The following CSMD3 variants were observed in gnomAD, a reference collection of about 807,000 sequenced individuals.
The protein encoded by CSMD3 is CUB and Sushi multiple domains 3.
In CSMD3, 177 loss-of-function variants were observed where a neutral mutation model predicts 435.2. That is an observed-to-expected ratio of 0.41 (90% CI 0.36 to 0.46). The LOEUF (loss-of-function observed/expected upper bound fraction) is 0.46. Ranked by LOEUF, CSMD3 falls within the 20% of genes least tolerant of loss-of-function variation. CSMD3 has a pLI of 0.34. For synonymous variants in CSMD3, 1,656 were observed against 1,520.5 expected, an observed-to-expected ratio of 1.09 and a Z score of -2.07; for missense variants, 4,265 against 4,504.6, an observed-to-expected ratio of 0.95 and a Z score of 1.52.
intron 1 of CSMD3, among the ~76,000 whole-genome samples, chr8:113,425,607 C>T (rs2094631804): frequency 6.6e-6 from 1 of 151,354 alleles, no homozygotes; most frequent in Admixed American, 6.6e-5. Flanking sequence ...CAAGCTAACA[C>T]AGATATTAAA....
At chr8:113,046,417 C>T (rs77699752) in intron 5 of CSMD3, among the ~76,000 whole-genome samples, 5,226 of 149,756 alleles carry the variant, frequency 0.035, 588 homozygotes, top group Non-Finnish European at 0.059. Context: ...TGCCCTGAGT[C>T]TTTCTCCACA....
chr8:112,885,441 A>G (rs2081563567), intron 10 of CSMD3, among the ~76,000 whole-genome samples: 1 of 151,650 alleles, frequency 6.6e-6, no homozygotes, highest in African/African-American at 2.4e-5. Context: ...GCCAATCACA[A>G]AATAAAATAT....
At chr8:112,861,214 C>T (rs1480933368) in intron 10 of CSMD3, among the ~76,000 whole-genome samples, 5 of 151,768 alleles carry the variant, frequency 3.3e-5, no homozygotes, top group African/African-American at 1.2e-4. Flanking sequence ...AACCCCTTTT[C>T]TAGACTCCAA....
At chr8:113,156,054 T>A in intron 4 of CSMD3, among the ~76,000 whole-genome samples, 1 of 152,028 alleles carries the variant, frequency 6.6e-6, no homozygotes, top group East Asian at 1.9e-4. Flanking sequence ...TTGTTTTCCA[T>A]CATTAAGTAC....
intron 59 of CSMD3, among the ~76,000 whole-genome samples, chr8:112,278,956 C>G (rs1239748667): frequency 6.6e-6 from 1 of 151,834 alleles, no homozygotes; most frequent in Non-Finnish European, 1.5e-5. Flanking sequence ...TAAATAAGGA[C>G]AGAGTAGAGA....
At chr8:113,024,636 T>G (rs559533502) in intron 5 of CSMD3, among the ~76,000 whole-genome samples, 1 of 152,310 alleles carries the variant, frequency 6.6e-6, no homozygotes, top group East Asian at 1.9e-4. Context: ...TTTTTGATAG[T>G]AGCCATTCTG....
intron 59 of CSMD3, among the ~76,000 whole-genome samples, chr8:112,267,489 C>T (rs564751661): frequency 1.1e-3 from 160 of 151,928 alleles, no homozygotes; most frequent in Admixed American, 3.9e-3. Flanking sequence ...TAAAAATTTA[C>T]AAGAATGTAA....
intron 35 of CSMD3, among the ~76,000 whole-genome samples, chr8:112,392,175 C>T (rs1360302314): frequency 6.6e-6 from 1 of 152,050 alleles, no homozygotes; most frequent in Non-Finnish European, 1.5e-5. Context: ...TTGTACTGTG[C>T]TCCTGGGGAA....
intron 9 of CSMD3, among the ~76,000 whole-genome samples, chr8:112,932,714 G>A (rs901449678): frequency 6.6e-6 from 1 of 152,034 alleles, no homozygotes; most frequent in Admixed American, 6.6e-5. Flanking sequence ...ACAAAGAGAG[G>A]TTGGTTAATG....
chr8:113,092,296 C>T (rs1163329763), intron 5 of CSMD3, among the ~76,000 whole-genome samples: 1 of 152,028 alleles, frequency 6.6e-6, no homozygotes, highest in Admixed American at 6.6e-5. Flanking sequence ...CCAGTATAGA[C>T]ATAAACATAA....
chr8:112,930,237 C>T (rs1412821959), intron 9 of CSMD3, among the ~76,000 whole-genome samples: 1 of 152,044 alleles, frequency 6.6e-6, no homozygotes, highest in Non-Finnish European at 1.5e-5. Context: ...GTTCCCATTG[C>T]TATATCACTC....
At chr8:112,366,111 C>A (rs1429480957) in intron 38 of CSMD3, among the ~76,000 whole-genome samples, 1 of 152,108 alleles carries the variant, frequency 6.6e-6, no homozygotes. Flanking sequence ...CAATGGCTAC[C>A]AAAAGGTGGA....
At chr8:112,626,866 G>T (rs140431885) in intron 22 of CSMD3, among the ~76,000 whole-genome samples, 1 of 152,096 alleles carries the variant, frequency 6.6e-6, no homozygotes, top group East Asian at 1.9e-4. Flanking sequence ...TAATTCTTAC[G>T]ACTTATAGCA....
intron 16 of CSMD3, among the ~76,000 whole-genome samples, chr8:112,671,358 C>A (rs1318451053): frequency 1.3e-5 from 2 of 151,904 alleles, no homozygotes; most frequent in South Asian, 2.1e-4. Context: ...TTTGAAGCAC[C>A]CTTATTTTCC....
chr8:113,402,153 C>G (rs938248), intron 1 of CSMD3, among the ~76,000 whole-genome samples: 1 of 150,794 alleles, frequency 6.6e-6, no homozygotes, highest in Non-Finnish European at 1.5e-5. Context: ...TCTTTTGAGT[C>G]ACTATCTTAA....
chr8:113,161,636 C>G (rs1255150043), intron 4 of CSMD3, among the ~76,000 whole-genome samples: 1 of 152,030 alleles, frequency 6.6e-6, no homozygotes, highest in Non-Finnish European at 1.5e-5. Context: ...ATGATAGATA[C>G]TTTTACCGGA....
intron 2 of CSMD3, among the ~76,000 whole-genome samples, chr8:113,286,882 G>C (rs1291023257): frequency 6.6e-6 from 1 of 151,824 alleles, no homozygotes; most frequent in Admixed American, 6.6e-5. Flanking sequence ...AGGTAAGAGA[G>C]AAAGGGAGAG....
intron 17 of CSMD3, among the ~76,000 whole-genome samples, chr8:112,660,613 G>A (rs569295309): frequency 6.6e-6 from 1 of 152,204 alleles, no homozygotes; most frequent in Admixed American, 6.5e-5. Flanking sequence ...ATTTGGGGTG[G>A]AAGTAAAGGA....
At chr8:113,341,815 G>A (rs1393093552) in intron 1 of CSMD3, among the ~76,000 whole-genome samples, 4 of 152,010 alleles carry the variant, frequency 2.6e-5, no homozygotes, top group African/African-American at 4.8e-5. Flanking sequence ...TTGGTCCACC[G>A]GCATTGTCTA....
Sources: allele counts gnomAD v4.1 joint callset (sites outside exome capture counted in the v4.1 genomes callset), GRCh38; gene constraint gnomAD v4.1.1; transcripts MANE v1.5; gene names NCBI Gene and HGNC (gene_info 2026-07-23, HGNC 2026-07-21).